Variants in ST18 observed in about 807,000 individuals in gnomAD.
The protein encoded by ST18 is ST18 C2H2C-type zinc finger transcription factor.
Under a neutral mutation model 110.0 loss-of-function variants are expected in ST18, and 50 were observed. That is an observed-to-expected ratio of 0.45 (90% CI 0.36 to 0.58). ST18 has a LOEUF of 0.58. Among genes scored for constraint, ST18 ranks in the 20% least tolerant of loss-of-function variants. The pLI is 0.00. For synonymous variants in ST18, 461 were observed against 452.4 expected (o/e 1.02, Z -0.24); for missense variants, 1,306 against 1,280.1 (o/e 1.02, Z -0.31).
chr8:52,367,514 T>C (rs7464269), intron 2 of ST18, among the ~76,000 whole-genome samples: 122,264 of 152,192 alleles, frequency 0.8, 51,691 homozygotes, highest in Non-Finnish European at 0.93. Flanking sequence ...AGTGTATAAA[T>C]ATATAAAGGT....
intron 20 of ST18, 22 bp from the exon 21 acceptor site, chr8:52,133,159 G>A (rs1292606386): frequency 1.2e-6 from 2 of 1,614,174 alleles, no homozygotes; most frequent in South Asian, 2.2e-5. Flanking sequence ...ACCCGACAAA[G>A]AACAAAGCAA....
chr8:52,146,837 AG>A (rs2057441267), intron 16 of ST18, among the ~76,000 whole-genome samples: 1 of 152,228 alleles, frequency 6.6e-6, no homozygotes, highest in Non-Finnish European at 1.5e-5. Flanking sequence ...CCATATCAGG[AG>A]TTAGAGTGAT....
intron 2 of ST18, among the ~76,000 whole-genome samples, chr8:52,265,640 T>C (rs991716650): frequency 1.3e-5 from 2 of 152,318 alleles, no homozygotes; most frequent in East Asian, 1.9e-4. Flanking sequence ...TACTTCTTTT[T>C]TGGGATTTGA....
intron 14 of ST18, among the ~76,000 whole-genome samples, chr8:52,159,679 GGT>G (rs2060925989): frequency 6.6e-6 from 1 of 152,120 alleles, no homozygotes; most frequent in Non-Finnish European, 1.5e-5. Context: ...CTAAATAGAT[GGT>G]GGAGTCTTTA....
At chr8:52,324,106 T>C (rs553423369) in intron 2 of ST18, among the ~76,000 whole-genome samples, 1 of 152,292 alleles carries the variant, frequency 6.6e-6, no homozygotes, top group South Asian at 2.1e-4. Flanking sequence ...AATGGGTCCC[T>C]GGAGAGTTGG....
chr8:52,125,060 C>G (rs528849204), intron 23 of ST18, among the ~76,000 whole-genome samples: 5 of 152,094 alleles, frequency 3.3e-5, no homozygotes, highest in Admixed American at 3.3e-4. Context: ...TGCTTTGGAA[C>G]GATCTTTGAT....
At chr8:52,221,534 C>T (rs1368883262) in intron 4 of ST18, 106 bp downstream of exon 4, 2 of 152,128 alleles carry the variant, frequency 1.3e-5, no homozygotes, top group Admixed American at 6.5e-5. Context: ...GTGTCGTGCA[C>T]TCAACATACT....
At chr8:52,153,668 C>T (rs987123174) in intron 15 of ST18, among the ~76,000 whole-genome samples, 1 of 152,174 alleles carries the variant, frequency 6.6e-6, no homozygotes, top group East Asian at 1.9e-4. Flanking sequence ...TCCCCAAGAT[C>T]TTTGGGACTT....
chr8:52,373,506 G>A (rs542292145), intron 2 of ST18, among the ~76,000 whole-genome samples: 8 of 151,430 alleles, frequency 5.3e-5, no homozygotes, highest in Non-Finnish European at 7.4e-5. Context: ...CTTGTTATTC[G>A]CCCTTTCTCA....
intron 23 of ST18, among the ~76,000 whole-genome samples, chr8:52,125,666 T>G (rs1262489194): frequency 5.3e-5 from 8 of 152,030 alleles, no homozygotes; most frequent in Non-Finnish European, 8.8e-5. Flanking sequence ...TAATATTTTT[T>G]TTTTTTAGAG....
intron 2 of ST18, among the ~76,000 whole-genome samples, chr8:52,325,940 A>G (rs765725898): frequency 2.6e-5 from 4 of 152,182 alleles, no homozygotes; most frequent in African/African-American, 4.8e-5. Flanking sequence ...TTCCTTTTCA[A>G]TATATTAGGA....
intron 13 of ST18, among the ~76,000 whole-genome samples, chr8:52,161,928 A>G (rs1179289788): frequency 6.6e-6 from 1 of 152,242 alleles, no homozygotes; most frequent in Non-Finnish European, 1.5e-5. Context: ...AATCCATGTC[A>G]GGTGGGTGCG....
At position 52,197,533 on chromosome 8, in the gene ST18, G is replaced by A. The variant is rs145558034; in HGVS notation, c.86+14546C>T. Among the ~76,000 whole-genome samples the A allele has an allele frequency of 7.1e-3, 1,075 of 152,280 alleles. 10 individuals are homozygous for A. Among genetic ancestry groups the A allele is most frequent in the African/African-American group, 0.021 (857 of 41,556 alleles). On this transcript the variant is annotated intron_variant, in intron 8 of 25. Coordinates refer to ENST00000689386, the MANE Select transcript of ST18 (RefSeq NM_001352837.2). ...ACATATGTAAAATTGAGTTAATTTA[G>A]GAGGGCTTTAAGTGAAGACCAGGAA... is the stretch of plus-strand genomic sequence containing the variant.
chr8:52,134,362 C>T (rs147733072), intron 19 of ST18, among the ~76,000 whole-genome samples: 16 of 152,342 alleles, frequency 1.1e-4, no homozygotes, highest in East Asian at 7.7e-4. Context: ...TAAAATTTTA[C>T]GCAGACTTTC....
intron 13 of ST18, 37 bp downstream of exon 13, chr8:52,163,949 T>G (rs747540744): frequency 3.3e-6 from 5 of 1,535,086 alleles, no homozygotes; most frequent in Non-Finnish European, 4.5e-6. Flanking sequence ...GGAGCCTGGA[T>G]GAAGAGAGCA....
chr8:52,279,715 G>A (rs2095339177), intron 2 of ST18, among the ~76,000 whole-genome samples: 1 of 152,172 alleles, frequency 6.6e-6, no homozygotes, highest in Non-Finnish European at 1.5e-5. Flanking sequence ...GATGTTGGTG[G>A]ATGAGCATCT....
chr8:52,159,141 T>G (rs2060764010), intron 14 of ST18, 32 bp from the exon 15 acceptor site: 3 of 1,594,930 alleles, frequency 1.9e-6, no homozygotes, highest in East Asian at 2.2e-5. Context: ...AGCAATTGCA[T>G]GTACATGGTT....
chr8:52,389,144 C>T (rs923028798), intron 2 of ST18, among the ~76,000 whole-genome samples: 25 of 152,128 alleles, frequency 1.6e-4, no homozygotes, highest in African/African-American at 6.0e-4. Context: ...CGGGGCTTGG[C>T]TGTGGGGCTC....
At chr8:52,186,953 T>C (rs1326240044) in intron 8 of ST18, among the ~76,000 whole-genome samples, 2 of 152,148 alleles carry the variant, frequency 1.3e-5, no homozygotes, top group Non-Finnish European at 1.5e-5. Flanking sequence ...GGTGGTTTCA[T>C]GGGTATGTTC....
Sources: allele counts gnomAD v4.1 joint callset (sites outside exome capture counted in the v4.1 genomes callset), GRCh38; gene constraint gnomAD v4.1.1; transcripts MANE v1.5; gene names NCBI Gene and HGNC (gene_info 2026-07-23, HGNC 2026-07-21).